The following FRYL variants were observed in gnomAD, a reference collection of about 807,000 sequenced individuals.
The protein encoded by FRYL is protein furry homolog-like.
FRYL carries 150 observed loss-of-function variants against 351.2 expected under a neutral mutation model. The ratio of observed to expected loss-of-function variants is 0.43; its 90% confidence interval spans 0.37 to 0.49. The LOEUF (loss-of-function observed/expected upper bound fraction) is 0.49, where lower values mean the gene tolerates loss of function less well. Among genes scored for constraint, FRYL ranks in the 20% least tolerant of loss-of-function variants. FRYL has a pLI of 0.00. For synonymous variants in FRYL, 1,153 were observed against 1,257.1 expected (o/e 0.92, Z 1.75); for missense variants, 3,036 against 3,619.3 (o/e 0.84, Z 4.13).
chr4:48,652,135 C>T (rs555746645), intron 3 of FRYL, among the ~76,000 whole-genome samples: 236 of 152,332 alleles, frequency 1.5e-3, no homozygotes, highest in African/African-American at 5.3e-3. Context: ...TGGCTGGTTA[C>T]AGGGTTCAGG....
intron 1 of FRYL, among the ~76,000 whole-genome samples, chr4:48,764,580 A>G (rs1243009294): frequency 6.6e-6 from 1 of 152,096 alleles, no homozygotes; most frequent in Non-Finnish European, 1.5e-5. Flanking sequence ...GCATTTCTAT[A>G]CACTAACAAT....
At chr4:48,710,999 T>C (rs904001131) in intron 1 of FRYL, among the ~76,000 whole-genome samples, 1 of 152,200 alleles carries the variant, frequency 6.6e-6, no homozygotes, top group Non-Finnish European at 1.5e-5. Flanking sequence ...CAATGGAATA[T>C]TACCTTGCCA....
Position 48,716,987 on chromosome 4 carries a change from T to C in FRYL, c.-383-6289A>G, listed in dbSNP as rs945885026. 1.9e-4 allele frequency among the ~76,000 whole-genome samples: 29 copies of C among 150,588 alleles called. 1 individual carries two copies. Among genetic ancestry groups the C allele is most frequent in the Admixed American group, 4.7e-4 (7 of 14,976 alleles). ...GTCCTTTGTAGGGACATGGATGAAA[T>C]TGGAAATCATCATTCTCAGTAAACT... On this transcript the variant is annotated intron_variant, in intron 1 of 63. Transcript: ENST00000358350.
intron 15 of FRYL, 98 bp downstream of exon 15, chr4:48,595,492 A>G (rs2149226864): frequency 5.1e-6 from 3 of 592,902 alleles, no homozygotes; most frequent in Non-Finnish European, 5.8e-6. Context: ...TTGTATTACT[A>G]TGTTTTTAGA....
At chr4:48,683,274 T>TG (rs1400772429) in intron 3 of FRYL, among the ~76,000 whole-genome samples, 5 of 106,058 alleles carry the variant, frequency 4.7e-5, no homozygotes, top group Non-Finnish European at 9.6e-5. Flanking sequence ...TGTCAGGGGG[T>TG]GGGGGGCTAG....
At chr4:48,587,011 ATAAT>A (rs1177938715) in intron 18 of FRYL, among the ~76,000 whole-genome samples, 26 of 151,954 alleles carry the variant, frequency 1.7e-4, no homozygotes, top group African/African-American at 5.5e-4. Context: ...CAGATTATTT[ATAAT>A]TAATCTTATT....
intron 23 of FRYL, among the ~76,000 whole-genome samples, chr4:48,577,767 T>C (rs540964760): frequency 6.6e-6 from 1 of 152,020 alleles, no homozygotes; most frequent in African/African-American, 2.4e-5. Context: ...TCCCAGCACT[T>C]TGGGAGGCTG....
intron 5 of FRYL, among the ~76,000 whole-genome samples, chr4:48,621,558 T>G (rs1052711050): frequency 2.0e-5 from 3 of 152,184 alleles, no homozygotes; most frequent in Non-Finnish European, 4.4e-5. Context: ...CTGTATGTGA[T>G]TCAACCCATT....
At chr4:48,619,986 A>G (rs772018310) in intron 6 of FRYL, among the ~76,000 whole-genome samples, 8 of 152,238 alleles carry the variant, frequency 5.3e-5, no homozygotes, top group Admixed American at 2.0e-4. Context: ...TCCATATTTG[A>G]TTACTAGTAT....
intron 1 of FRYL, among the ~76,000 whole-genome samples, chr4:48,720,251 A>AC (rs1769322672): frequency 6.6e-6 from 1 of 152,082 alleles, no homozygotes; most frequent in South Asian, 2.1e-4. Context: ...TAATCCCAGC[A>AC]CTTTGCGAGG....
At chr4:48,601,488 G>T (rs1174509515) in intron 13 of FRYL, among the ~76,000 whole-genome samples, 1 of 152,174 alleles carries the variant, frequency 6.6e-6, no homozygotes, top group African/African-American at 2.4e-5. Flanking sequence ...GAATATGGAT[G>T]TGCCAAATAG....
chr4:48,770,523 C>T (rs527909230), intron 1 of FRYL, among the ~76,000 whole-genome samples: 19 of 152,096 alleles, frequency 1.2e-4, no homozygotes, highest in African/African-American at 2.7e-4. Context: ...CCGCAACCTC[C>T]GCCTCCCGGA....
chr4:48,612,834 T>C (rs1440699941), intron 7 of FRYL, among the ~76,000 whole-genome samples: 8 of 151,974 alleles, frequency 5.3e-5, no homozygotes, highest in Non-Finnish European at 1.2e-4. Flanking sequence ...CGTGATCCAC[T>C]TGCCTTGGCC....
chr4:48,637,798 T>C (rs977609696), intron 3 of FRYL: 4 of 152,178 alleles, frequency 2.6e-5, no homozygotes, highest in South Asian at 2.1e-4. Context: ...GTATTTAATA[T>C]ATTTAATAAA....
Position 48,586,623 on chromosome 4 carries a change from T to C in FRYL, c.1746A>G (p.Ala582=). The C allele has an allele frequency of 6.3e-7, 1 of 1,598,118 alleles. No homozygotes were observed. Among genetic ancestry groups the C allele is most frequent in the Non-Finnish European group, 8.6e-7 (1 of 1,166,056 alleles). Reference sequence around the variant, plus strand: ...AGCAAACAGTAATTCTCATTTACCTTGCTAACAATTCAATCAGGTCAGTTC... The same window carrying C: ...AGCAAACAGTAATTCTCATTTACCTCGCTAACAATTCAATCAGGTCAGTTC... ...MSRTDLIELL[A]RLTIHMDEEL... Residue 582 remains alanine (A), a splice_region_variant and synonymous_variant, in exon 19 of 64, where the codon GCA becomes GCG. Coordinates refer to ENST00000358350, the MANE Select transcript of FRYL (RefSeq NM_015030.2).
At chr4:48,535,915 A>ATCACTAATTTTGG in intron 47 of FRYL, 88 bp from the exon 48 acceptor site, 1 of 1,042,068 alleles carries the variant, frequency 9.6e-7, no homozygotes, top group East Asian at 2.9e-5. Context: ...GCTTAATGAA[A>ATCACTAATTTTGG]TAATTTAGAT....
At chr4:48,743,094 C>T (rs1344164279) in intron 1 of FRYL, among the ~76,000 whole-genome samples, 1 of 148,692 alleles carries the variant, frequency 6.7e-6, no homozygotes, top group Admixed American at 6.9e-5. Context: ...GCTGGGATTA[C>T]AGGTGTGAGC....
chr4:48,665,976 T>A (rs116268995), intron 3 of FRYL, among the ~76,000 whole-genome samples: 1 of 152,292 alleles, frequency 6.6e-6, no homozygotes, highest in African/African-American at 2.4e-5. Flanking sequence ...CAGAGGTGAG[T>A]CAGCAAGGCT....
Position 48,564,933 on chromosome 4 carries a change from CT to C in FRYL, c.3440del (p.Lys1147ArgfsTer16). 6.5e-7 allele frequency: 1 copy of C among 1,528,048 alleles called. No individual in the cohort carries two copies. The highest frequency in any genetic ancestry group is 9.0e-7 in the Non-Finnish European group (1 of 1,106,830). 94.7% of individuals were successfully genotyped at this position (1,528,048 alleles called of 1,614,324 possible). A position where few individuals can be genotyped will look rare whatever the true frequency, so the allele number is the denominator to read the frequency against. On this transcript the variant is annotated frameshift_variant and splice_region_variant, in exon 30 of 64. Transcript: ENST00000358350. LOFTEE classifies it high-confidence loss of function. Reference sequence around the variant, plus strand: ...CCTTTAAGGAAATTGTCATAATTACCTTTTTGTCCAGAGAATCCAAAATGTT... The same window carrying C: ...CCTTTAAGGAAATTGTCATAATTACCTTTTGTCCAGAGAATCCAAAATGTT... ...LDNILDSLDK[K>X]VHQLGCEAVT...
Sources: allele counts gnomAD v4.1 joint callset (sites outside exome capture counted in the v4.1 genomes callset), GRCh38; gene constraint gnomAD v4.1.1; transcripts MANE v1.5; gene names NCBI Gene and HGNC (gene_info 2026-07-23, HGNC 2026-07-21).